Variants in ENO4 observed in about 807,000 individuals in gnomAD.
ENO4 encodes the protein 2-phospho-D-glycerate hydro-lyase.
A neutral mutation model predicts 63.2 loss-of-function variants in ENO4; 53 were observed. That is an observed-to-expected ratio of 0.84 (90% CI 0.67 to 1.05). ENO4 has a LOEUF of 1.05. Among genes scored for constraint, ENO4 ranks in the 50% least tolerant of loss-of-function variants. The pLI, the probability that ENO4 is intolerant of heterozygous loss-of-function variation, is 0.00. For synonymous variants in ENO4, 266 were observed against 283.8 expected, an observed-to-expected ratio of 0.94 and a Z score of 0.63; for missense variants, 719 against 772.0, an observed-to-expected ratio of 0.93 and a Z score of 0.81.
chr10:116,902,830 T>C (rs2133327127), intron 10 of ENO4, among the ~76,000 whole-genome samples: 1 of 152,278 alleles, frequency 6.6e-6, no homozygotes, highest in Middle Eastern at 3.4e-3. Context: ...GCACAAAACT[T>C]GGGTGTCTCT....
At chr10:116,875,133 T>A (rs890950970) in intron 10 of ENO4, among the ~76,000 whole-genome samples, 1 of 152,182 alleles carries the variant, frequency 6.6e-6, no homozygotes, top group Non-Finnish European at 1.5e-5. Context: ...ATCAGATAGA[T>A]TGAACAGATA....
At chr10:116,858,636 C>G (rs572378782) in intron 3 of ENO4, among the ~76,000 whole-genome samples, 5 of 152,284 alleles carry the variant, frequency 3.3e-5, no homozygotes, top group Admixed American at 3.3e-4. Flanking sequence ...ATTCTTGACA[C>G]ATTTGTTTTC....
chr10:116,875,138 C>A (rs934133978), intron 10 of ENO4, among the ~76,000 whole-genome samples: 1 of 152,128 alleles, frequency 6.6e-6, no homozygotes, highest in African/African-American at 2.4e-5. Flanking sequence ...ATAGATTGAA[C>A]AGATATATTG....
At position 116,879,310 on chromosome 10, in the gene ENO4, C is replaced by G. The variant is rs991623711; in HGVS notation, c.1557C>G (p.Val519=). 4.1e-5 allele frequency: 64 copies of G among 1,550,508 alleles called. 1 individual carries two copies. In the African/African-American group the frequency reaches 7.8e-4, roughly 19 times the overall value. Reference sequence around the variant, plus strand: ...TTCCAGGTAAGAAGCACATCACTGTCTTTGGAAGTACAGAAGGAGAATCAT... The same window carrying G: ...TTCCAGGTAAGAAGCACATCACTGTGTTTGGAAGTACAGAAGGAGAATCAT... The part of the protein sequence containing the change: ...NLIDSKKHIT[V]FGSTEGESSD... The change falls in exon 12 of 14, where the codon GTC becomes GTG. Residue 519 remains valine, a synonymous_variant. Transcript: ENST00000341276.
rs541765106 is a variant in ENO4 at position 116,891,919 on chromosome 10, TA to T, written c.1194+11935del. On this transcript the variant is annotated intron_variant, in intron 10 of 10. Transcript: ENST00000369207. ...CTTCATTTTAGCTCAAAGAACGTAT[TA>T]AGTTTGTCAATTTGGGTCCACTTCT... Among the ~76,000 whole-genome samples, 135 of 152,326 alleles carry T rather than the reference TA, an allele frequency of 8.9e-4. 2 individuals carry two copies. The South Asian group carries it at 0.022, about 25-fold the overall frequency.
intron 1 of ENO4, among the ~76,000 whole-genome samples, chr10:116,852,323 G>A (rs963938215): frequency 2.0e-5 from 3 of 152,172 alleles, no homozygotes; most frequent in Admixed American, 2.0e-4. Flanking sequence ...AACTAAGACA[G>A]ACATATTAGA....
chr10:116,886,881 C>T (rs1212894627), downstream of ENO4, among the ~76,000 whole-genome samples: 1 of 152,228 alleles, frequency 6.6e-6, no homozygotes, highest in African/African-American at 2.4e-5. Flanking sequence ...CATGGACAAA[C>T]TGTGAACTTC....
exon 11 of ENO4, chr10:116,911,725 A>C: frequency 6.3e-7 from 1 of 1,579,578 alleles, no homozygotes; most frequent in Non-Finnish European, 8.7e-7. Context: ...CACAAAAAAC[A>C]GATTTTAAAA....
chr10:116,885,601 C>T (rs1847141868), downstream of ENO4: 1 of 152,530 alleles, frequency 6.6e-6, no homozygotes, highest in African/African-American at 2.4e-5. Flanking sequence ...ACATAATTAA[C>T]TCATAGCACA....
At chr10:116,872,557 C>T (rs1846727282) in intron 9 of ENO4, among the ~76,000 whole-genome samples, 1 of 152,194 alleles carries the variant, frequency 6.6e-6, no homozygotes, top group Admixed American at 6.5e-5. Context: ...CTTTACCTTC[C>T]ACCATGATTG....
At chr10:116,886,512 G>C (rs377600413), downstream of ENO4, 6 of 1,614,042 alleles carry the variant, frequency 3.7e-6, no homozygotes, top group Non-Finnish European at 5.1e-6. Context: ...CAACTGGTTC[G>C]GCTTGTTTTT....
chr10:116,884,160 T>C (rs962320793), downstream of ENO4: 3 of 453,640 alleles, frequency 6.6e-6, no homozygotes, highest in African/African-American at 6.0e-5. Flanking sequence ...AAGCAGGACG[T>C]ATGTAAGTTT....
chr10:116,898,896 T>C (rs1847619173), intron 10 of ENO4, among the ~76,000 whole-genome samples: 1 of 152,246 alleles, frequency 6.6e-6, no homozygotes, highest in Admixed American at 6.5e-5. Context: ...TCTTTGACTT[T>C]ATAATTTACC....
rs1332510479 is a variant in ENO4, at chr10:116,882,291, GAA to G, written c.*623_*624del. ...TCTTCTTAGATCCTTTTTGGAGTAA[GAA>G]TGAGTATAAATGAATAAGCACATCA... On this transcript the variant is annotated 3_prime_UTR_variant, in exon 14 of 14. Transcript: ENST00000341276. The G allele has an allele frequency of 6.6e-6, 1 of 150,514 alleles. No homozygotes were observed. The highest frequency in any genetic ancestry group is 1.5e-5 in the Non-Finnish European group (1 of 67,890). The allele number at this position is 150,514 out of a possible 1,614,324, so 9.3% of individuals were successfully genotyped here. A position where few individuals can be genotyped will look rare whatever the true frequency, so the allele number is the denominator to read the frequency against.
intron 10 of ENO4, among the ~76,000 whole-genome samples, chr10:116,889,149 G>C (rs1171379414): frequency 2.6e-5 from 4 of 152,226 alleles, no homozygotes; most frequent in Admixed American, 2.6e-4. Context: ...TGTGTCTGTA[G>C]GTGAAGGGGT....
chr10:116,861,366 T>G (rs1846411150), intron 6 of ENO4, among the ~76,000 whole-genome samples, 176 bp downstream of exon 6: 1 of 152,054 alleles, frequency 6.6e-6, no homozygotes, highest in Admixed American at 6.6e-5. Flanking sequence ...AGGGAGCACA[T>G]GCAGAGCAAC....
At chr10:116,885,444 T>A (rs1564857859), downstream of ENO4, 2 of 152,616 alleles carry the variant, frequency 1.3e-5, no homozygotes, top group Admixed American at 1.3e-4. Flanking sequence ...CTGCTTAATT[T>A]CTTTTTTAAA....
At chr10:116,859,285 A>C in intron 4 of ENO4, 147 bp downstream of exon 4, 1 of 894,868 alleles carries the variant, frequency 1.1e-6, no homozygotes, top group Non-Finnish European at 1.5e-6. Flanking sequence ...CCACATCCTC[A>C]CTCAAAGATT....
chr10:116,853,220 G>A (rs555888213), intron 1 of ENO4, among the ~76,000 whole-genome samples: 89 of 151,636 alleles, frequency 5.9e-4, no homozygotes, highest in African/African-American at 2.0e-3. Context: ...GCGTGAACCC[G>A]GGAGGCGGAG....
Sources: allele counts gnomAD v4.1 joint callset (sites outside exome capture counted in the v4.1 genomes callset), GRCh38; gene constraint gnomAD v4.1.1; transcripts MANE v1.5; gene names NCBI Gene and HGNC (gene_info 2026-07-23, HGNC 2026-07-21).